The following TPTE2 variants were observed in gnomAD, a reference collection of about 807,000 sequenced individuals.
TPTE2 encodes the protein transmembrane phosphoinositide 3-phosphatase and tensin homolog 2.
In TPTE2, 53 loss-of-function variants were observed where a neutral mutation model predicts 78.6. The ratio of observed to expected loss-of-function variants is 0.67; its 90% confidence interval spans 0.54 to 0.85. TPTE2 has a LOEUF of 0.85. TPTE2 is among the 40% of genes least tolerant of loss of function. The pLI, the probability that TPTE2 is intolerant of heterozygous loss-of-function variation, is 0.00. For synonymous variants in TPTE2, 175 were observed against 206.2 expected (o/e 0.85, Z 1.30); for missense variants, 461 against 623.0 (o/e 0.74, Z 2.77).
At chr13:19,503,389 T>C (rs115050879), upstream of TPTE2, 12,123 of 1,130,300 alleles carry the variant, frequency 0.011, 291 homozygotes, top group African/African-American at 0.076. Context: ...TTTTGACTAT[T>C]CATGTGTATA....
At chr13:19,467,231 A>C in exon 7 of TPTE2, 1 of 1,583,262 alleles carries the variant, frequency 6.3e-7, no homozygotes. Context: ...ATACCTGGGA[A>C]TATTCCTAAG....
At chr13:19,435,167 T>G (rs1876979617) in intron 15 of TPTE2, among the ~76,000 whole-genome samples, 1 of 152,230 alleles carries the variant, frequency 6.6e-6, no homozygotes, top group Admixed American at 6.5e-5. Context: ...AAATGAAATG[T>G]GTGGACTTTG....
upstream of TPTE2, among the ~76,000 whole-genome samples, chr13:19,539,426 C>G (rs1871375902): frequency 6.6e-6 from 1 of 152,208 alleles, no homozygotes; most frequent in Admixed American, 6.5e-5. Context: ...TGCACACGCT[C>G]TCTTGCCTGC....
At chr13:19,552,090 T>C in the TPTE2 span, among the ~76,000 whole-genome samples, 3 of 152,222 alleles carry the variant, frequency 2.0e-5, no homozygotes, top group South Asian at 4.1e-4. Context: ...CAGGCAAAGA[T>C]TTCCAAAGCC....
chr13:19,503,253 T>G (rs759273706), exon 1 of TPTE2: 1 of 1,613,768 alleles, frequency 6.2e-7, no homozygotes, highest in South Asian at 1.1e-5. Context: ...CTGGGTTCAC[T>G]CCTGATAATT....
intron 7 of TPTE2, among the ~76,000 whole-genome samples, chr13:19,466,186 G>C (rs1490904510): frequency 6.6e-6 from 1 of 152,180 alleles, no homozygotes; most frequent in Non-Finnish European, 1.5e-5. Context: ...ATGTCAATAA[G>C]AGCCACCTGG....
At chr13:19,439,512 T>C (rs993151900) in intron 13 of TPTE2, among the ~76,000 whole-genome samples, 5 of 152,040 alleles carry the variant, frequency 3.3e-5, no homozygotes, top group Non-Finnish European at 1.5e-5. Flanking sequence ...TGCTAGCATC[T>C]CCAGATAAGA....
intron 1 of TPTE2, among the ~76,000 whole-genome samples, chr13:19,528,110 G>A (rs796322552): frequency 1.5e-4 from 23 of 152,188 alleles, no homozygotes; most frequent in Admixed American, 3.9e-4. Flanking sequence ...GGCCGGGTGC[G>A]GTGGCTCACA....
At chr13:19,517,652 C>T (rs1869888374) in intron 1 of TPTE2, among the ~76,000 whole-genome samples, 1 of 152,152 alleles carries the variant, frequency 6.6e-6, no homozygotes, top group African/African-American at 2.4e-5. Flanking sequence ...GAGACCTCAC[C>T]TCTAGGTTTT....
At chr13:19,509,387 T>A (rs1869281341) in intron 1 of TPTE2, among the ~76,000 whole-genome samples, 1 of 151,966 alleles carries the variant, frequency 6.6e-6, no homozygotes, top group Non-Finnish European at 1.5e-5. Context: ...GCAATAATAA[T>A]CAAGAACAAA....
intron 1 of TPTE2, among the ~76,000 whole-genome samples, chr13:19,497,696 G>A (rs1331152126): frequency 4.7e-5 from 7 of 150,084 alleles, no homozygotes; most frequent in Non-Finnish European, 7.4e-5. Flanking sequence ...CACAAAGATG[G>A]GGAAAAAACA....
intron 1 of TPTE2, among the ~76,000 whole-genome samples, chr13:19,528,195 T>C (rs1458707053): frequency 3.4e-5 from 5 of 148,920 alleles, no homozygotes; most frequent in African/African-American, 1.2e-4. Context: ...CAGCCTATCC[T>C]ATGTGGTGAA....
At chr13:19,443,779 C>CG (rs1555248660) in intron 13 of TPTE2, among the ~76,000 whole-genome samples, 4 of 146,268 alleles carry the variant, frequency 2.7e-5, no homozygotes, top group African/African-American at 5.1e-5. Context: ...CACACACACA[C>CG]AGTCGTTAAG....
chr13:19,482,493 T>C, exon 4 of TPTE2: 1 of 1,612,582 alleles, frequency 6.2e-7, no homozygotes, highest in Non-Finnish European at 8.5e-7. Flanking sequence ...CTTACTCATA[T>C]GAAGCAACAT....
chr13:19,546,469 T>G, the TPTE2 span, among the ~76,000 whole-genome samples: 38 of 141,460 alleles, frequency 2.7e-4, no homozygotes, highest in African/African-American at 9.3e-4. Flanking sequence ...ATTTTTGGGT[T>G]TTTTTTTCTT....
chr13:19,560,594 G>A, the TPTE2 span: 14 of 1,601,250 alleles, frequency 8.7e-6, no homozygotes, highest in Non-Finnish European at 1.2e-5. Flanking sequence ...CGGTCAAAGA[G>A]GTCACAGAGG....
the TPTE2 span, among the ~76,000 whole-genome samples, chr13:19,549,884 C>A: frequency 9.7e-6 from 1 of 102,630 alleles, no homozygotes; most frequent in Non-Finnish European, 2.4e-5. Flanking sequence ...CATTATCCTA[C>A]GTGAATTAAT....
At chr13:19,559,327 T>C in the TPTE2 span, among the ~76,000 whole-genome samples, 2 of 151,972 alleles carry the variant, frequency 1.3e-5, no homozygotes, top group African/African-American at 4.8e-5. Context: ...TAAAATAGAG[T>C]CTCTGTACAG....
chr13:19,551,270 A>AGTAT, the TPTE2 span, among the ~76,000 whole-genome samples: 2 of 152,152 alleles, frequency 1.3e-5, no homozygotes, highest in African/African-American at 4.8e-5. Flanking sequence ...CATGAAACAC[A>AGTAT]GTATGCTGTA....
Sources: gnomAD v4.1 joint callset for allele counts (sites outside exome capture counted in the v4.1 genomes callset) on GRCh38, gnomAD v4.1.1 for gene constraint, MANE v1.5 for transcripts, NCBI Gene and HGNC (gene_info 2026-07-23, HGNC 2026-07-21) for gene names.